The following SNRPF variants were observed in gnomAD, a reference collection of about 807,000 sequenced individuals.
SNRPF encodes the protein small nuclear ribonucleoprotein F.
In SNRPF, 1 loss-of-function variant was observed where a neutral mutation model predicts 13.4. The observed-to-expected ratio is 0.07, with a 90% CI of 0.03 to 0.35. The LOEUF (loss-of-function observed/expected upper bound fraction) is 0.35. Among genes scored for constraint, SNRPF ranks in the 10% least tolerant of loss-of-function variants. The probability of loss-of-function intolerance (pLI) is 0.99; values close to 1 mark genes in which losing one functional copy is unlikely to be tolerated. For synonymous variants in SNRPF, 27 were observed against 32.1 expected (o/e 0.84, Z 0.54); for missense variants, 53 against 101.0 (o/e 0.52, Z 2.04).
intron 2 of SNRPF, chr12:95,861,872 C>G (rs2079498065): frequency 6.6e-6 from 1 of 152,280 alleles, no homozygotes; most frequent in Non-Finnish European, 1.5e-5. Flanking sequence ...GTGTATAATT[C>G]AGTGGCATTA....
chr12:95,864,418 T>C (rs1388911500), intron 2 of SNRPF, among the ~76,000 whole-genome samples: 1 of 152,170 alleles, frequency 6.6e-6, no homozygotes. Context: ...CATTTTGATA[T>C]AAAATTAGAA....
chr12:95,860,197 C>T (rs1035835022), intron 1 of SNRPF, among the ~76,000 whole-genome samples: 1 of 152,164 alleles, frequency 6.6e-6, no homozygotes, highest in African/African-American at 2.4e-5. Flanking sequence ...CCTAGCTTCC[C>T]CAGTTAAATA....
At chr12:95,865,496 A>G (rs1263183294) in intron 3 of SNRPF, 108 bp downstream of exon 3, 4 of 555,486 alleles carry the variant, frequency 7.2e-6, no homozygotes, top group Non-Finnish European at 1.3e-5. Flanking sequence ...TTAAAAAATC[A>G]CTATTATAAT....
intron 1 of SNRPF, among the ~76,000 whole-genome samples, 192 bp from the exon 2 acceptor site, chr12:95,860,976 T>C (rs1158486602): frequency 1.3e-5 from 2 of 150,878 alleles, no homozygotes; most frequent in Non-Finnish European, 1.5e-5. Context: ...GGGTTAAAGG[T>C]GAAATTGGCT....
At chr12:95,862,225 T>C (rs1027955280) in intron 2 of SNRPF, among the ~76,000 whole-genome samples, 12 of 152,206 alleles carry the variant, frequency 7.9e-5, no homozygotes, top group African/African-American at 2.9e-4. Context: ...CTGAATAATA[T>C]TCCATTATAT....
In SNRPF at chr12:95,859,007, T is replaced by A; in HGVS notation, c.-67T>A. On this transcript the variant is annotated 5_prime_UTR_variant, in exon 1 of 4. Transcript: ENST00000266735. ...GGCTCGGGACCTGCGGTACCTGCTG[T>A]AGTCACGAGGGACGGGCGGCGGCCT... The A allele has an allele frequency of 6.2e-7, 1 of 1,604,316 alleles. No homozygotes were observed. The highest frequency in any genetic ancestry group is 8.5e-7 in the Non-Finnish European group (1 of 1,176,752).
At chr12:95,864,769 C>T (rs904684750) in intron 2 of SNRPF, among the ~76,000 whole-genome samples, 15 of 152,228 alleles carry the variant, frequency 9.9e-5, no homozygotes, top group Non-Finnish European at 2.2e-4. Flanking sequence ...AGTAGCCAGG[C>T]TTTGTGGCAC....
intron 1 of SNRPF, among the ~76,000 whole-genome samples, chr12:95,860,831 C>T (rs1386174702): frequency 1.3e-5 from 2 of 148,972 alleles, no homozygotes; most frequent in African/African-American, 2.5e-5. Flanking sequence ...ATTACAGATA[C>T]GAGCCACCCT....
Position 95,858,999 on chromosome 12 carries a change from A to G in SNRPF, c.-75A>G. ...GAAACTGCGGCTCGGGACCTGCGGT[A>G]CCTGCTGTAGTCACGAGGGACGGGC... On this transcript the variant is annotated 5_prime_UTR_variant, in exon 1 of 4. Coordinates refer to ENST00000266735, the MANE Select transcript of SNRPF (RefSeq NM_003095.5). 6.3e-7 allele frequency: 1 copy of G among 1,599,120 alleles called. No homozygotes were observed. Among genetic ancestry groups the G allele is most frequent in the Non-Finnish European group, 8.5e-7 (1 of 1,174,542 alleles).
chr12:95,859,895 G>A (rs2079486691), intron 1 of SNRPF, among the ~76,000 whole-genome samples: 1 of 152,164 alleles, frequency 6.6e-6, no homozygotes, highest in South Asian at 2.1e-4. Context: ...AATCTGATGT[G>A]CACTTTAAAA....
chr12:95,859,014 G>A lies in SNRPF; in HGVS notation c.-60G>A. On this transcript the variant is annotated 5_prime_UTR_variant, in exon 1 of 4. Coordinates refer to ENST00000266735, the MANE Select transcript of SNRPF (RefSeq NM_003095.5). ...GACCTGCGGTACCTGCTGTAGTCAC[G>A]AGGGACGGGCGGCGGCCTGGTCGGC... 1.2e-6 allele frequency: 2 copies of A among 1,607,244 alleles called. No individual in the cohort carries two copies. The highest frequency in any genetic ancestry group is 1.1e-5 in the South Asian group (1 of 89,564).
At chr12:95,859,184 G>A in intron 1 of SNRPF, 108 bp downstream of exon 1, 1 of 998,410 alleles carries the variant, frequency 1.0e-6, no homozygotes, top group Non-Finnish European at 1.6e-6. Flanking sequence ...TCCGCGTGAG[G>A]CGCCGCGCAC....
At position 95,858,971 on chromosome 12, in the gene SNRPF, C is replaced by T. The variant is rs777232628; in HGVS notation, c.-103C>T. On this transcript the variant is annotated 5_prime_UTR_variant, in exon 1 of 4. Coordinates refer to ENST00000266735, the MANE Select transcript of SNRPF (RefSeq NM_003095.5). ...ATAGTCCTGTTTGGCGGCCATTTCT[C>T]TTGAAACTGCGGCTCGGGACCTGCG... 1.4e-5 allele frequency: 22 copies of T among 1,570,014 alleles called. No individual in the cohort carries two copies. Among genetic ancestry groups the T allele is most frequent in the African/African-American group, 2.7e-5 (2 of 74,272 alleles).
At chr12:95,864,556 A>G (rs902751962) in intron 2 of SNRPF, among the ~76,000 whole-genome samples, 2 of 152,248 alleles carry the variant, frequency 1.3e-5, no homozygotes, top group Non-Finnish European at 2.9e-5. Context: ...ACTGTTAACT[A>G]TTTACCTTTC....
intron 1 of SNRPF, among the ~76,000 whole-genome samples, chr12:95,860,872 T>TTTTTTTA (rs1555225579): frequency 6.7e-6 from 1 of 149,514 alleles, no homozygotes; most frequent in Non-Finnish European, 1.5e-5. Flanking sequence ...TTTTTTTTTT[T>TTTTTTTA]AGTGCCTTTA....
chr12:95,859,901 T>C (rs915932159), intron 1 of SNRPF, among the ~76,000 whole-genome samples: 11 of 152,190 alleles, frequency 7.2e-5, no homozygotes, highest in African/African-American at 2.2e-4. Context: ...ATGTGCACTT[T>C]AAAAAATCAT....
At chr12:95,860,538 A>G (rs555678058) in intron 1 of SNRPF, among the ~76,000 whole-genome samples, 162 of 152,108 alleles carry the variant, frequency 1.1e-3, no homozygotes, top group Non-Finnish European at 1.6e-3. Flanking sequence ...CCCATCTCCA[A>G]CTTCTTGACA....
rs770369226 is a variant in SNRPF, at chr12:95,859,048, G to T, written c.-26G>T. ...GCGGCGGCCTGGTCGGCAGAGAGTA[G>T]CCTGCAACATTCGGCCGTGGTTACG... is the stretch of plus-strand genomic sequence containing the variant. On this transcript the variant is annotated 5_prime_UTR_variant, in exon 1 of 4. Transcript: ENST00000266735. 1 of 1,612,698 alleles carries T rather than the reference G, an allele frequency of 6.2e-7. No individual in the cohort carries two copies. Among genetic ancestry groups the T allele is most frequent in the Non-Finnish European group, 8.5e-7 (1 of 1,179,666 alleles).
Position 95,861,301 on chromosome 12 carries a change from A to G in SNRPF, c.129+8A>G. 6.2e-7 allele frequency: 1 copy of G among 1,606,488 alleles called. No homozygotes were observed. Among genetic ancestry groups the G allele is most frequent in the Non-Finnish European group, 8.5e-7 (1 of 1,175,294 alleles). On this transcript the variant is annotated splice_region_variant and intron_variant, in intron 2 of 3. Transcript: ENST00000266735. Reference sequence around the variant, plus strand: ...GGCTACATGAACATGCAGGTAAGCTAAAGAGCTGTAAAGGTCATAACATTG... The same window carrying G: ...GGCTACATGAACATGCAGGTAAGCTGAAGAGCTGTAAAGGTCATAACATTG...
Sources: allele counts gnomAD v4.1 joint callset (sites outside exome capture counted in the v4.1 genomes callset), GRCh38; gene constraint gnomAD v4.1.1; transcripts MANE v1.5; gene names NCBI Gene and HGNC (gene_info 2026-07-23, HGNC 2026-07-21).